The following CCND3 variants were observed in gnomAD, a reference collection of about 807,000 sequenced individuals.
CCND3 encodes G1/S-specific cyclin-D3.
Under a neutral mutation model 28.7 loss-of-function variants are expected in CCND3, and 9 were observed. The ratio of observed to expected loss-of-function variants is 0.31; its 90% CI spans 0.19 to 0.55. The LOEUF (loss-of-function observed/expected upper bound fraction) is 0.55, where lower values mean the gene tolerates loss of function less well. Ranked by LOEUF, CCND3 falls within the 20% of genes least tolerant of loss-of-function variation. The pLI, the probability that CCND3 is intolerant of heterozygous loss-of-function variation, is 0.93. For missense variants in CCND3, 315 were observed against 385.8 expected, an observed-to-expected ratio of 0.82 and a Z score of 1.54; for synonymous variants, 164 against 163.9, an observed-to-expected ratio of 1.00 and a Z score of 0.00.
chr6:41,941,021 G>T lies in CCND3; in HGVS notation c.198+431C>A, dbSNP rs1276570983. On this transcript the variant is annotated intron_variant, in intron 1 of 4. Transcript: ENST00000372991. The surrounding 1 kb of genome is among the most constrained non-coding windows in gnomAD (Gnocchi z 6.1). ...TCATTTCCCTGTCGGCCGGAACAGG[G>T]CGCGCGCCACCCCCATCGCCTTCCC... 1 of 1,610,158 alleles carries T rather than the reference G, an allele frequency of 6.2e-7. No homozygotes were observed. Among genetic ancestry groups the T allele is most frequent in the Non-Finnish European group, 8.5e-7 (1 of 1,178,160 alleles).
intron 1 of CCND3, among the ~76,000 whole-genome samples, chr6:41,989,902 T>C (rs1335487661): frequency 3.9e-5 from 6 of 152,124 alleles, no homozygotes; most frequent in Admixed American, 1.3e-4. Flanking sequence ...TATTCATAAT[T>C]GTCAAAACTC....
In CCND3 at chr6:41,941,762, G is replaced by A. The variant is rs903589292; in HGVS notation, c.-113C>T. On this transcript the variant is annotated 5_prime_UTR_variant, in exon 1 of 5. Coordinates refer to ENST00000372991, the MANE Select transcript of CCND3 (RefSeq NM_001760.5). This position sits in a 1 kb window ranked among gnomAD's most constrained non-coding sequence, Gnocchi z 6.1. Reference sequence around the variant, plus strand: ...GCGCTGGCGCTGGCACTGCGCGGCGGATCCCCAGCCCGCCCGCCGCCCGCG... The same window carrying A: ...GCGCTGGCGCTGGCACTGCGCGGCGAATCCCCAGCCCGCCCGCCGCCCGCG... The A allele has an allele frequency of 2.9e-5, 20 of 690,926 alleles. No individual in the cohort carries two copies. The highest frequency in any genetic ancestry group is 3.9e-5 in the Non-Finnish European group (20 of 514,492). The allele number at this position is 690,926 out of a possible 1,614,324, so 42.8% of individuals were successfully genotyped here.
intron 1 of CCND3, among the ~76,000 whole-genome samples, chr6:42,000,654 G>C (rs1275929124): frequency 7.7e-6 from 1 of 129,184 alleles, no homozygotes; most frequent in Non-Finnish European, 1.5e-5. Flanking sequence ...CACAACCTCT[G>C]CCTCCCAGGT....
chr6:41,982,178 G>T lies in CCND3; in HGVS notation c.-45-41593C>A, dbSNP rs570668889. Among the ~76,000 whole-genome samples, 15 of 151,738 alleles carry T rather than the reference G, an allele frequency of 9.9e-5. No individual in the cohort carries two copies. The South Asian group carries it at 3.1e-3, about 32-fold the overall frequency. On this transcript the variant is annotated intron_variant, in intron 1 of 4. Transcript: ENST00000372988. ...CCAGCTGCTTGGGATGCTGAGGCAG[G>T]AGAATCGCTTGAGCCCGGGAGGCTG...
intron 1 of CCND3, among the ~76,000 whole-genome samples, chr6:42,034,307 C>T (rs1321963213): frequency 6.6e-6 from 1 of 151,078 alleles, no homozygotes; most frequent in African/African-American, 2.4e-5. Flanking sequence ...GCCACCACAC[C>T]CGGCTAATTT....
At chr6:42,003,769 T>C (rs997226931) in intron 1 of CCND3, among the ~76,000 whole-genome samples, 1 of 151,154 alleles carries the variant, frequency 6.6e-6, no homozygotes, top group African/African-American at 2.4e-5. Flanking sequence ...TGAAACCCCA[T>C]CTCTACAAAA....
intron 1 of CCND3, among the ~76,000 whole-genome samples, chr6:41,950,997 T>C (rs1047872356): frequency 1.3e-5 from 2 of 151,870 alleles, no homozygotes; most frequent in East Asian, 3.9e-4. Context: ...CGTGAGCCAC[T>C]GCGCTGGGCC....
At chr6:42,039,066 A>G (rs1764301641) in intron 1 of CCND3, among the ~76,000 whole-genome samples, 2 of 152,234 alleles carry the variant, frequency 1.3e-5, no homozygotes, top group Non-Finnish European at 2.9e-5. Context: ...TACTATTTAT[A>G]TGATGTGATC....
intron 1 of CCND3, among the ~76,000 whole-genome samples, chr6:42,039,508 T>C (rs769641266): frequency 5.9e-5 from 9 of 152,210 alleles, no homozygotes; most frequent in Non-Finnish European, 1.0e-4. Flanking sequence ...TGAGAGGTCC[T>C]GCACTAGGAC....
At chr6:42,011,768 G>A (rs557384269) in intron 1 of CCND3, among the ~76,000 whole-genome samples, 2 of 152,278 alleles carry the variant, frequency 1.3e-5, no homozygotes, top group South Asian at 4.1e-4. Flanking sequence ...AGGGAGAGGG[G>A]TACTCCCAAG....
chr6:41,961,643 C>T (rs1469592887), intron 1 of CCND3, among the ~76,000 whole-genome samples: 1 of 152,106 alleles, frequency 6.6e-6, no homozygotes, highest in Non-Finnish European at 1.5e-5. Flanking sequence ...TCCTCCACAG[C>T]TCCTTCATTG....
chr6:41,951,120 A>T (rs1776301699), intron 1 of CCND3, among the ~76,000 whole-genome samples: 1 of 152,116 alleles, frequency 6.6e-6, no homozygotes, highest in Non-Finnish European at 1.5e-5. Flanking sequence ...GGCATTTGCA[A>T]CACCCATCAG....
chr6:41,988,198 C>T (rs9367120), intron 1 of CCND3, among the ~76,000 whole-genome samples: 32,685 of 151,732 alleles, frequency 0.22, 3,945 homozygotes, highest in Non-Finnish European at 0.26. Context: ...CCCAGCTACT[C>T]GGGAGGCTGA....
intron 1 of CCND3, among the ~76,000 whole-genome samples, chr6:41,959,677 A>C (rs1761651571): frequency 6.6e-6 from 1 of 150,596 alleles, no homozygotes; most frequent in African/African-American, 2.5e-5. Context: ...ACACAGCAAG[A>C]CTAAATCAGG....
chr6:41,974,949 C>T (rs1371690701), intron 1 of CCND3, among the ~76,000 whole-genome samples: 5 of 151,936 alleles, frequency 3.3e-5, no homozygotes, highest in Non-Finnish European at 5.9e-5. Context: ...CCTGCCACCA[C>T]GCCCAGCTAA....
intron 1 of CCND3, among the ~76,000 whole-genome samples, chr6:41,970,270 C>T (rs781111362): frequency 9.9e-5 from 15 of 151,952 alleles, no homozygotes; most frequent in South Asian, 2.1e-4. Context: ...ACCCAGGAGG[C>T]GGAGGTTGGA....
At chr6:42,040,732 A>G (rs1764346212) in intron 1 of CCND3, among the ~76,000 whole-genome samples, 1 of 151,354 alleles carries the variant, frequency 6.6e-6, no homozygotes, top group African/African-American at 2.4e-5. Context: ...GGTGCCTCTA[A>G]TCCCAGCTAC....
At chr6:42,010,651 G>C (rs1763318858) in intron 1 of CCND3, among the ~76,000 whole-genome samples, 1 of 152,126 alleles carries the variant, frequency 6.6e-6, no homozygotes, top group Non-Finnish European at 1.5e-5. Context: ...ATGAGGGGCT[G>C]GGGAAACAGC....
At position 42,029,404 on chromosome 6, in the gene CCND3, C is replaced by T. The variant is rs376672013; in HGVS notation, c.-46+19097G>A. 3.0e-4 allele frequency among the ~76,000 whole-genome samples: 46 copies of T among 152,208 alleles called. No homozygotes were observed. In the South Asian group the frequency reaches 9.3e-3, roughly 31 times the overall value. Reference sequence around the variant, plus strand: ...GGCTGGCAGTGGCTATAGAAGGGGACACCTGTCCAGTAGTTTGTTAAAGAT... The same window carrying T: ...GGCTGGCAGTGGCTATAGAAGGGGATACCTGTCCAGTAGTTTGTTAAAGAT... On this transcript the variant is annotated intron_variant, in intron 1 of 4. Coordinates refer to the CCND3 transcript ENST00000372988.
Sources: gnomAD v4.1 joint callset for allele counts (sites outside exome capture counted in the v4.1 genomes callset) on GRCh38, gnomAD v4.1.1 for gene constraint, Gnocchi (gnomAD v3.1) non-coding constraint, MANE v1.5 for transcripts, NCBI Gene and HGNC (gene_info 2026-07-23, HGNC 2026-07-21) for gene names.